The following STAM variants were observed in gnomAD, a reference collection of about 807,000 sequenced individuals.
STAM encodes signal transducing adapter molecule 1.
Under a neutral mutation model 63.4 loss-of-function variants are expected in STAM, and 16 were observed. The observed-to-expected ratio is 0.25, with a 90% confidence interval of 0.17 to 0.38. The LOEUF is 0.38. Ranked by LOEUF, STAM falls within the 10% of genes least tolerant of loss-of-function variation. The pLI, the probability that STAM is intolerant of heterozygous loss-of-function variation, is 1.00. For synonymous variants in STAM, 238 were observed against 223.9 expected, an observed-to-expected ratio of 1.06 and a Z score of -0.56; for missense variants, 636 against 657.1, an observed-to-expected ratio of 0.97 and a Z score of 0.35.
At chr10:17,709,580 A>G (rs755573794) in intron 13 of STAM, among the ~76,000 whole-genome samples, 3 of 152,140 alleles carry the variant, frequency 2.0e-5, no homozygotes, top group East Asian at 3.9e-4. Flanking sequence ...TTCTGCTTTA[A>G]TGGGACTCTG....
chr10:17,703,331 G>GT (rs35796286), intron 9 of STAM, among the ~76,000 whole-genome samples: 6,194 of 140,078 alleles, frequency 0.044, 120 homozygotes, highest in Non-Finnish European at 0.052. Context: ...CTTGGGAAGA[G>GT]TTTTTTTTTT....
chr10:17,702,802 C>T (rs560017312), intron 9 of STAM, among the ~76,000 whole-genome samples: 1 of 152,044 alleles, frequency 6.6e-6, no homozygotes, highest in East Asian at 1.9e-4. Context: ...GAGGTCAGGA[C>T]ATTGAGACCA....
chr10:17,677,066 T>C (rs1834886738), intron 2 of STAM, among the ~76,000 whole-genome samples: 2 of 152,212 alleles, frequency 1.3e-5, no homozygotes, highest in South Asian at 4.1e-4. Context: ...CTGCTGTGTT[T>C]GCACAAACAA....
At chr10:17,706,896 T>TG (rs1836310306) in intron 12 of STAM, among the ~76,000 whole-genome samples, 1 of 151,670 alleles carries the variant, frequency 6.6e-6, no homozygotes, top group African/African-American at 2.4e-5. Context: ...TTAAATGCAG[T>TG]GAAAAAAAAA....
In STAM at chr10:17,701,074, T is replaced by A. The variant is rs1835972979; in HGVS notation, c.912+795T>A. Reference sequence around the variant, plus strand: ...AGTAATTATGCTCAAAAATATAATATCAACTTGGTGACACACCATACTTTT... The same window carrying A: ...AGTAATTATGCTCAAAAATATAATAACAACTTGGTGACACACCATACTTTT... On this transcript the variant is annotated intron_variant, in intron 9 of 13. Transcript: ENST00000377524. Among the ~76,000 whole-genome samples the A allele has an allele frequency of 2.0e-5, 3 of 152,196 alleles. No individual in the cohort carries two copies. In the South Asian group the frequency reaches 6.2e-4, roughly 31 times the overall value.
rs372014497 is a variant in STAM at position 17,663,697 on chromosome 10, G to C, written c.125+3149G>C. ...AATGGGATATCTTGTTATACCTCTT[G>C]TTAATAAAGAGTTGTTTGAAAAGGA... is the stretch of plus-strand genomic sequence containing the variant. On this transcript the variant is annotated intron_variant, in intron 2 of 13. Transcript: ENST00000377524. 7.2e-5 allele frequency among the ~76,000 whole-genome samples: 11 copies of C among 151,990 alleles called. 1 individual carries two copies. Among genetic ancestry groups the C allele is most frequent in the Admixed American group, 5.2e-4 (8 of 15,258 alleles).
intron 2 of STAM, among the ~76,000 whole-genome samples, chr10:17,674,729 T>G (rs1041072675): frequency 1.3e-5 from 2 of 152,208 alleles, no homozygotes; most frequent in African/African-American, 2.4e-5. Flanking sequence ...AGATGTCACC[T>G]CTTGAAGGGA....
At chr10:17,709,802 T>C (rs952966994) in intron 13 of STAM, among the ~76,000 whole-genome samples, 7 of 149,810 alleles carry the variant, frequency 4.7e-5, no homozygotes, top group Non-Finnish European at 7.4e-5. Flanking sequence ...AGTTACGTGT[T>C]AGAGATGCTT....
intron 6 of STAM, 134 bp downstream of exon 6, chr10:17,693,446 G>A (rs1835629117): frequency 1.5e-6 from 1 of 655,550 alleles, no homozygotes; most frequent in Non-Finnish European, 2.4e-6. Flanking sequence ...AGTATTCTTT[G>A]CTTTACTCTT....
chr10:17,694,771 T>C (rs189952210), intron 6 of STAM, among the ~76,000 whole-genome samples: 1 of 152,218 alleles, frequency 6.6e-6, no homozygotes, highest in East Asian at 1.9e-4. Flanking sequence ...ATTTAAGAGT[T>C]TGTATTTTTT....
At chr10:17,667,235 T>C (rs1834428583) in intron 2 of STAM, among the ~76,000 whole-genome samples, 1 of 152,020 alleles carries the variant, frequency 6.6e-6, no homozygotes, top group South Asian at 2.1e-4. Context: ...CAAGCGATTC[T>C]CCTGTCTCAG....
Position 17,695,342 on chromosome 10 carries a change from A to G in STAM, c.728+101A>G, listed in dbSNP as rs1835712785. 3 of 1,089,764 alleles carry G rather than the reference A, an allele frequency of 2.8e-6. No homozygotes were observed. In the South Asian group the frequency reaches 4.9e-5, roughly 18 times the overall value. 67.5% of individuals were successfully genotyped at this position (1,089,764 alleles called of 1,614,324 possible). A position where few individuals can be genotyped will look rare whatever the true frequency, so the allele number is the denominator to read the frequency against. On this transcript the variant is annotated intron_variant, in intron 7 of 13. Transcript: ENST00000377524. ...GCAGTTACCAAATACAATAATAAAT[A>G]TTGACCCAGATGCTGCTCTGTATGA...
intron 2 of STAM, among the ~76,000 whole-genome samples, chr10:17,668,744 A>G (rs970177578): frequency 2.0e-5 from 3 of 152,074 alleles, no homozygotes; most frequent in Admixed American, 1.3e-4. Flanking sequence ...GGCATCTTTC[A>G]CTTACCAGTA....
chr10:17,663,475 A>G (rs1554823112), intron 2 of STAM, among the ~76,000 whole-genome samples: 5 of 152,060 alleles, frequency 3.3e-5, no homozygotes, highest in Non-Finnish European at 7.4e-5. Context: ...AATATTTTCA[A>G]CTTCAGTGAA....
chr10:17,714,795 C>G lies in STAM; in HGVS notation c.*15C>G, dbSNP rs1554830638. 1 of 1,609,042 alleles carries G rather than the reference C, an allele frequency of 6.2e-7. No homozygotes were observed. The highest frequency in any genetic ancestry group is 2.2e-5 in the East Asian group (1 of 44,864). On this transcript the variant is annotated 3_prime_UTR_variant, in exon 14 of 14. Transcript: ENST00000377524. The stretch of plus-strand genomic sequence containing the variant: ...CTCTGCTATAGGACCCGGTGTTCCT[C>G]TTGGTGGCAGATACCTGCTAAATGC...
At chr10:17,654,734 C>G (rs564328991) in intron 1 of STAM, among the ~76,000 whole-genome samples, 1 of 152,314 alleles carries the variant, frequency 6.6e-6, no homozygotes, top group South Asian at 2.1e-4. Context: ...TAGTTCTCCT[C>G]TTTTCCCTCT....
At chr10:17,690,583 A>G (rs1275371957) in intron 5 of STAM, among the ~76,000 whole-genome samples, 1 of 152,224 alleles carries the variant, frequency 6.6e-6, no homozygotes, top group African/African-American at 2.4e-5. Context: ...TCTAAGTTCA[A>G]CTGCAGAACT....
At chr10:17,697,802 A>G (rs1554827795) in intron 8 of STAM, among the ~76,000 whole-genome samples, 1 of 152,126 alleles carries the variant, frequency 6.6e-6, no homozygotes, top group Non-Finnish European at 1.5e-5. Context: ...AAGAGCTTAT[A>G]TGTATAGGTT....
intron 1 of STAM, among the ~76,000 whole-genome samples, chr10:17,654,631 G>T (rs1337717382): frequency 6.6e-6 from 1 of 152,142 alleles, no homozygotes; most frequent in Non-Finnish European, 1.5e-5. Context: ...TGAGAGCATG[G>T]TTATTGAAAT....
Sources: gnomAD v4.1 joint callset for allele counts (sites outside exome capture counted in the v4.1 genomes callset) on GRCh38, gnomAD v4.1.1 for gene constraint, MANE v1.5 for transcripts, NCBI Gene and HGNC (gene_info 2026-07-23, HGNC 2026-07-21) for gene names.